The following SPTA1 variants were observed in gnomAD, a reference collection of about 807,000 sequenced individuals.
SPTA1 encodes spectrin alpha chain, erythrocytic 1.
A neutral mutation model predicts 324.7 loss-of-function variants in SPTA1; 177 were observed. The observed-to-expected ratio is 0.55, with a 90% CI of 0.48 to 0.62. The LOEUF is 0.62. Ranked by LOEUF, SPTA1 falls within the 20% of genes least tolerant of loss-of-function variation. The probability of loss-of-function intolerance (pLI) is 0.00; values close to 1 mark genes in which losing one functional copy is unlikely to be tolerated. For missense variants in SPTA1, 3,162 were observed against 2,883.6 expected (o/e 1.10, Z -2.21); for synonymous variants, 1,195 against 1,041.3 (o/e 1.15, Z -2.84).
Position 158,686,477 on chromosome 1 carries a change from G to C in SPTA1, c.24+17C>G. 3 of 1,538,306 alleles carry C rather than the reference G, an allele frequency of 2.0e-6. No individual in the cohort carries two copies. Among genetic ancestry groups the C allele is most frequent in the Non-Finnish European group, 2.7e-6 (3 of 1,111,912 alleles). On this transcript the variant is annotated intron_variant, in intron 1 of 51. Coordinates refer to ENST00000643759, the MANE Select transcript of SPTA1 (RefSeq NM_003126.4). Reference sequence around the variant, plus strand: ...AATATTAATGACAAATTGCATGGAAGAGAAATATGTACTTACGGTTTCCTT... The same window carrying C: ...AATATTAATGACAAATTGCATGGAACAGAAATATGTACTTACGGTTTCCTT...
rs374145569 is a variant in SPTA1 at position 158,614,609 on chromosome 1, A to G, written c.6789-303T>C. ...ATGTCCATATATAAAGCTTTATTGGAACATGGCCACGGTCATTCACTTATC... is the reference window on the plus strand; with the variant it reads ...ATGTCCATATATAAAGCTTTATTGGGACATGGCCACGGTCATTCACTTATC... On this transcript the variant is annotated intron_variant, in intron 48 of 51. Transcript: ENST00000643759. The G allele has an allele frequency of 1.9e-5, 6 of 310,812 alleles. No individual in the cohort carries two copies. In the East Asian group the frequency reaches 2.6e-4, roughly 14 times the overall value. The allele number at this position is 310,812 out of a possible 1,614,324, so 19.3% of individuals were successfully genotyped here.
chr1:158,644,255 G>C lies in SPTA1; in HGVS notation c.4336C>G (p.Gln1446Glu). ...ATTCCTTTACTAGTCATTATTACCT[G>C]GGCAGTGATTGCTTTGTCCAAATCG... ...RDDLDKAITA[Q>E]EGKITDLEHF... Residue 1446 changes from glutamine (Q) to glutamate (E), a missense_variant and splice_region_variant, in exon 30 of 52, where the codon CAG (glutamine) becomes GAG (glutamate). Transcript: ENST00000643759. 1 of 1,613,534 alleles carries C rather than the reference G, an allele frequency of 6.2e-7. No individual in the cohort carries two copies. Among genetic ancestry groups the C allele is most frequent in the South Asian group, 1.1e-5 (1 of 91,060 alleles).
In SPTA1 at chr1:158,648,502, G is replaced by A; in HGVS notation, c.3714+7C>T. 2 of 1,613,856 alleles carry A rather than the reference G, an allele frequency of 1.2e-6. No individual in the cohort carries two copies. The highest frequency in any genetic ancestry group is 1.7e-6 in the Non-Finnish European group (2 of 1,179,824). Reference sequence around the variant, plus strand: ...GTGTTGGAAAAGCTTTGAAGGACTTGTCTCACCTTATCTCCCAGGGGTACG... The same window carrying A: ...GTGTTGGAAAAGCTTTGAAGGACTTATCTCACCTTATCTCCCAGGGGTACG... On this transcript the variant is annotated splice_region_variant and intron_variant, in intron 26 of 51. Transcript: ENST00000643759.
At chr1:158,643,018 T>C (rs772090182) in intron 31 of SPTA1, 42 bp from the exon 32 acceptor site, 3 of 1,611,526 alleles carry the variant, frequency 1.9e-6, no homozygotes, top group Non-Finnish European at 2.5e-6. Flanking sequence ...TCCTCCACCC[T>C]TCCCATGCTC....
Position 158,627,726 on chromosome 1 carries a change from G to T in SPTA1, c.5566-3C>A. On this transcript the variant is annotated splice_region_variant and splice_polypyrimidine_tract_variant and intron_variant, in intron 39 of 51. Coordinates refer to ENST00000643759, the MANE Select transcript of SPTA1 (RefSeq NM_003126.4). ...GCTTCATGCTTCATTAGCAAGCTCTGCATAAATAAGTCGGTGAGAATTAAG... is the reference window on the plus strand; with the variant it reads ...GCTTCATGCTTCATTAGCAAGCTCTTCATAAATAAGTCGGTGAGAATTAAG... The T allele has an allele frequency of 6.2e-7, 1 of 1,610,930 alleles. No individual in the cohort carries two copies. The highest frequency in any genetic ancestry group is 8.5e-7 in the Non-Finnish European group (1 of 1,179,258).
chr1:158,645,954 G>A (rs1381057145), intron 27 of SPTA1, among the ~76,000 whole-genome samples: 3 of 152,144 alleles, frequency 2.0e-5, no homozygotes, highest in Non-Finnish European at 4.4e-5. Flanking sequence ...CTAGACCTCT[G>A]GAATCCTGGA....
chr1:158,642,269 C>A, intron 33 of SPTA1, 142 bp downstream of exon 33: 1 of 854,816 alleles, frequency 1.2e-6, no homozygotes. Context: ...TGTAACAAAC[C>A]TGCACATTGT....
At chr1:158,676,444 T>G in intron 7 of SPTA1, 149 bp from the exon 8 acceptor site, 2 of 791,846 alleles carry the variant, frequency 2.5e-6, no homozygotes, top group Non-Finnish European at 4.0e-6. Flanking sequence ...ACTAATGTAC[T>G]ACATTGATAA....
At chr1:158,624,102 G>T (rs554854496) in intron 42 of SPTA1, among the ~76,000 whole-genome samples, 1 of 118,894 alleles carries the variant, frequency 8.4e-6, no homozygotes, top group East Asian at 2.6e-4. Flanking sequence ...GAGGATGTAT[G>T]GAAACACCTA....
At chr1:158,683,255 G>C (rs1462895482) in intron 3 of SPTA1, 116 bp downstream of exon 3, 24 of 1,446,536 alleles carry the variant, frequency 1.7e-5, no homozygotes, top group African/African-American at 4.2e-5. Context: ...GGGAAGATAA[G>C]AGGCAGGAGT....
chr1:158,634,002 C>T lies in SPTA1; in HGVS notation c.5565+541G>A, dbSNP rs74819399. On this transcript the variant is annotated intron_variant, in intron 39 of 51. Transcript: ENST00000643759. Reference sequence around the variant, plus strand: ...TTGTTTTGTAATCACTCTCAAAAGCCGTCAAAATTTACATTAACTCAAGAT... The same window carrying T: ...TTGTTTTGTAATCACTCTCAAAAGCTGTCAAAATTTACATTAACTCAAGAT... Among the ~76,000 whole-genome samples the T allele has an allele frequency of 8.0e-3, 1,215 of 152,168 alleles. 11 individuals are homozygous for T. Among genetic ancestry groups the T allele is most frequent in the Non-Finnish European group, 0.013 (889 of 68,010 alleles).
Position 158,669,718 on chromosome 1 carries a change from G to A in SPTA1, c.1668C>T (p.Ile556=), listed in dbSNP as rs1331884913. The change falls in exon 13 of 52, where the codon ATC becomes ATT. Residue 556 remains isoleucine, a synonymous_variant. Transcript: ENST00000643759. The part of the protein sequence containing the change: ...DHYDSENIKA[I]RDGLLARRDA... ...AGGCCCTTGGACATACCCCGTCACG[G>A]ATAGCCTTGATGTTCTCTGAATCAT... The A allele has an allele frequency of 1.2e-6, 2 of 1,614,076 alleles. No individual in the cohort carries two copies. The highest frequency in any genetic ancestry group is 2.7e-5 in the African/African-American group (2 of 75,030).
chr1:158,630,621 A>G (rs1373358047), intron 39 of SPTA1, among the ~76,000 whole-genome samples: 1 of 152,070 alleles, frequency 6.6e-6, no homozygotes, highest in Non-Finnish European at 1.5e-5. Flanking sequence ...CAGGCAACAA[A>G]AAGAAAAAAT....
At chr1:158,651,837 C>T (rs1652457904) in intron 23 of SPTA1, among the ~76,000 whole-genome samples, 1 of 151,602 alleles carries the variant, frequency 6.6e-6, no homozygotes, top group Admixed American at 6.6e-5. Flanking sequence ...GAGTTATTAT[C>T]TGCCTATATT....
chr1:158,677,724 C>A lies in SPTA1; in HGVS notation c.923G>T (p.Gly308Val), dbSNP rs768903417. 6.2e-7 allele frequency: 1 copy of A among 1,613,580 alleles called. No individual in the cohort carries two copies. Among genetic ancestry groups the A allele is most frequent in the Non-Finnish European group, 8.5e-7 (1 of 1,179,728 alleles). The change falls in exon 7 of 52, where the codon GGA (glycine) becomes GTA (valine). Residue 308 changes from glycine (G) to valine (V), a missense_variant. Physicochemically the swap from Gly to Val is moderately radical, Grantham distance 109. Coordinates refer to ENST00000643759, the MANE Select transcript of SPTA1 (RefSeq NM_003126.4). The part of the protein sequence containing the change: ...ASEGLFHSHK[G>V]LERNLAVMSD... ...CATGACAGCAAGATTTCTCTCAAGT[C>A]CCTTGTGACTGTGAAACAGTCCTTC...
chr1:158,614,324 A>AAC lies in SPTA1; in HGVS notation c.6789-20_6789-19dup, dbSNP rs746986114. ...TGATGTCCCTGAAAGAAAAAAAAAA[A>AAC]ACATGAATTTTCCCTGTATATGAAA... On this transcript the variant is annotated intron_variant, in intron 48 of 51. Coordinates refer to ENST00000643759, the MANE Select transcript of SPTA1 (RefSeq NM_003126.4). 6.4e-6 allele frequency: 10 copies of AAC among 1,571,768 alleles called. No individual in the cohort carries two copies. Among genetic ancestry groups the AAC allele is most frequent in the Non-Finnish European group, 8.7e-6 (10 of 1,146,058 alleles).
intron 28 of SPTA1, 35 bp downstream of exon 28, chr1:158,645,460 C>T (rs1296088583): frequency 5.0e-6 from 8 of 1,613,842 alleles, no homozygotes; most frequent in Non-Finnish European, 6.8e-6. Context: ...GGTTTCAGGT[C>T]AAGTGATCAG....
At chr1:158,655,161 A>C (rs2101870745) in intron 20 of SPTA1, among the ~76,000 whole-genome samples, 1 of 152,300 alleles carries the variant, frequency 6.6e-6, no homozygotes, top group East Asian at 1.9e-4. Flanking sequence ...CTGTACCTCC[A>C]GTGATAATTC....
chr1:158,652,325 A>G (rs2101861285), intron 23 of SPTA1, 142 bp downstream of exon 23: 6 of 912,494 alleles, frequency 6.6e-6, no homozygotes, highest in Non-Finnish European at 6.9e-6. Context: ...CAATACCTAG[A>G]GGGAGATCTC....
Sources: allele counts gnomAD v4.1 joint callset (sites outside exome capture counted in the v4.1 genomes callset), GRCh38; gene constraint gnomAD v4.1.1; transcripts MANE v1.5; gene names NCBI Gene and HGNC (gene_info 2026-07-23, HGNC 2026-07-21).